Variants in RUSC2 observed in about 807,000 individuals in gnomAD.
RUSC2 encodes RUN and SH3 domain containing 2.
A neutral mutation model predicts 122.2 loss-of-function variants in RUSC2; 34 were observed. The observed-to-expected ratio is 0.28, with a 90% CI of 0.21 to 0.37. The LOEUF (loss-of-function observed/expected upper bound fraction) is 0.37. RUSC2 is among the 10% of genes least tolerant of loss of function. The probability of loss-of-function intolerance (pLI) is 1.00; values close to 1 mark genes in which losing one functional copy is unlikely to be tolerated. For synonymous variants in RUSC2, 784 were observed against 790.0 expected, an observed-to-expected ratio of 0.99 and a Z score of 0.13; for missense variants, 1,747 against 1,952.4, an observed-to-expected ratio of 0.89 and a Z score of 1.98.
intron 1 of RUSC2, among the ~76,000 whole-genome samples, chr9:35,519,935 T>A (rs753946281): frequency 1.3e-5 from 2 of 152,062 alleles, no homozygotes; most frequent in Non-Finnish European, 2.9e-5. Context: ...GACCCAGACT[T>A]GTCTTAACAC....
intron 1 of RUSC2, among the ~76,000 whole-genome samples, chr9:35,494,984 T>C (rs1044521507): frequency 9.2e-6 from 1 of 108,488 alleles, no homozygotes; most frequent in Non-Finnish European, 1.8e-5. Context: ...TATTATATAA[T>C]ATATATTTTA....
In RUSC2 at chr9:35,547,976, A is replaced by AC. The variant is rs747854264; in HGVS notation, c.1461dup (p.Asn488GlnfsTer13). On this transcript the variant is annotated frameshift_variant, in exon 2 of 12. Transcript: ENST00000361226. LOFTEE classifies it high-confidence loss of function. The surrounding 1 kb of genome is among the most constrained non-coding windows in gnomAD (Gnocchi z 4.6). ...AGGGACAAGTATACACGAATACTTC[A>AC]CCCCCCAACCTCAGCACTGGACGTC... The AC allele has an allele frequency of 6.2e-7, 1 of 1,613,824 alleles. No individual in the cohort carries two copies.
Position 35,558,121 on chromosome 9 carries a change from A to G in RUSC2, c.3061-76A>G. The G allele has an allele frequency of 6.3e-7, 1 of 1,591,102 alleles. No individual in the cohort carries two copies. The highest frequency in any genetic ancestry group is 8.6e-7 in the Non-Finnish European group (1 of 1,165,034). ...TTAGGAATGGGGACGGCAAGAGGGG[A>G]ACCATGAGGGCCTGCTACGAGAGGA... On this transcript the variant is annotated intron_variant, in intron 6 of 11. Transcript: ENST00000361226. This position sits in a 1 kb window ranked among gnomAD's most constrained non-coding sequence, Gnocchi z 4.3.
chr9:35,561,357 C>T lies in RUSC2; in HGVS notation c.4526C>T (p.Pro1509Leu). The T allele has an allele frequency of 6.2e-7, 1 of 1,613,432 alleles. No homozygotes were observed. The highest frequency in any genetic ancestry group is 8.5e-7 in the Non-Finnish European group (1 of 1,179,648). The part of the protein sequence containing the change: ...AYVTLTPTPS[P>L]TPGSSQN ...GTGACATTGACCCCAACTCCAAGTC[C>T]AACCCCTGGAAGCAGCCAAAACTGA... is the stretch of plus-strand genomic sequence containing the variant. Residue 1509 changes from proline (P) to leucine (L), a missense_variant, in exon 12 of 12, where the codon CCA (proline) becomes CTA (leucine). By Grantham distance (98) the Pro-to-Leu change is moderately conservative. Transcript: ENST00000361226.
In RUSC2 at chr9:35,547,078, G is replaced by A. The variant is rs771116366; in HGVS notation, c.557G>A (p.Gly186Asp). 3.7e-6 allele frequency: 6 copies of A among 1,613,590 alleles called. No homozygotes were observed. The Admixed American group carries it at 1.0e-4, about 27-fold the overall frequency. ...PVMTLDTQQCGTSHCCRPELE... is the reference protein window; with the variant it reads ...PVMTLDTQQCDTSHCCRPELE... ...ATGACCTTGGATACTCAGCAGTGCG[G>A]CACCAGCCACTGCTGCCGGCCAGAG... The change falls in exon 2 of 12, where the codon GGC becomes GAC. Residue 186 changes from glycine (G) to aspartate (D), a missense_variant. Coordinates refer to ENST00000361226, the MANE Select transcript of RUSC2 (RefSeq NM_014806.5). This position sits in a 1 kb window ranked among gnomAD's most constrained non-coding sequence, Gnocchi z 4.6.
intron 1 of RUSC2, among the ~76,000 whole-genome samples, chr9:35,523,296 TAA>T (rs1220402321): frequency 2.0e-5 from 3 of 152,240 alleles, no homozygotes; most frequent in Non-Finnish European, 4.4e-5. Flanking sequence ...CACATTCAAA[TAA>T]AGTCTGCCAG....
intron 1 of RUSC2, among the ~76,000 whole-genome samples, chr9:35,493,949 T>A (rs1310793777): frequency 6.6e-6 from 1 of 152,218 alleles, no homozygotes; most frequent in East Asian, 1.9e-4. Context: ...TGTACAGATA[T>A]GTTTGAGTCC....
At chr9:35,554,242 C>T (rs1489213638) in intron 2 of RUSC2, among the ~76,000 whole-genome samples, 1 of 152,170 alleles carries the variant, frequency 6.6e-6, no homozygotes, top group Non-Finnish European at 1.5e-5. Flanking sequence ...CTGAGCACCA[C>T]GTTTTGAAGG....
chr9:35,499,886 G>A (rs979332439), intron 1 of RUSC2, among the ~76,000 whole-genome samples: 1 of 152,048 alleles, frequency 6.6e-6, no homozygotes, highest in Non-Finnish European at 1.5e-5. Context: ...GAGAAAGTTG[G>A]GAACCTACTA....
intron 1 of RUSC2, among the ~76,000 whole-genome samples, chr9:35,510,031 T>A (rs1820985279): frequency 6.6e-6 from 1 of 152,158 alleles, no homozygotes; most frequent in Non-Finnish European, 1.5e-5. Context: ...CAAATCAGGG[T>A]TCTATTTCTC....
intron 1 of RUSC2, among the ~76,000 whole-genome samples, chr9:35,491,251 G>A (rs1056719946): frequency 6.6e-6 from 1 of 152,170 alleles, no homozygotes; most frequent in Non-Finnish European, 1.5e-5. Context: ...AACAATGGCT[G>A]GAAAGCTGTA....
chr9:35,552,029 TCCCA>T (rs1821910920), intron 2 of RUSC2, among the ~76,000 whole-genome samples: 1 of 150,456 alleles, frequency 6.6e-6, no homozygotes, highest in Non-Finnish European at 1.5e-5. Flanking sequence ...CACCACTGCA[TCCCA>T]GCCTGGGCAA....
chr9:35,503,775 AT>A (rs148884407), intron 1 of RUSC2, among the ~76,000 whole-genome samples: 7,526 of 149,080 alleles, frequency 0.05, 662 homozygotes, highest in African/African-American at 0.18. Context: ...ATCTATTATT[AT>A]TTTTTTTTTC....
chr9:35,501,226 C>T (rs1820812338), intron 1 of RUSC2, among the ~76,000 whole-genome samples: 1 of 152,218 alleles, frequency 6.6e-6, no homozygotes, highest in African/African-American at 2.4e-5. Flanking sequence ...TCATCTACAT[C>T]CCCTTCACTT....
rs760652329 is a variant in RUSC2, at chr9:35,556,039, A to C, written c.2744A>C (p.Asp915Ala). 1 of 1,614,200 alleles carries C rather than the reference A, an allele frequency of 6.2e-7. No homozygotes were observed. The highest frequency in any genetic ancestry group is 1.1e-5 in the South Asian group (1 of 91,088). Residue 915 changes from aspartate (D) to alanine (A), a missense_variant, in exon 4 of 12, where the codon GAC (aspartate) becomes GCC (alanine). Transcript: ENST00000361226. ...CCACCTGGTTTGTCAGGGAGCCTAG[A>C]CCGAAGATCACAAGAAGCTCGGCTG... The part of the protein sequence containing the change: ...LGPPGLSGSL[D>A]RRSQEARLAR...
chr9:35,531,007 C>G (rs1425592141), intron 1 of RUSC2, among the ~76,000 whole-genome samples: 1 of 152,026 alleles, frequency 6.6e-6, no homozygotes, highest in African/African-American at 2.4e-5. Flanking sequence ...TGCCTGTAAT[C>G]CCAGCACTTT....
At chr9:35,554,403 C>G (rs1468297793) in intron 2 of RUSC2, among the ~76,000 whole-genome samples, 1 of 152,136 alleles carries the variant, frequency 6.6e-6, no homozygotes, top group African/African-American at 2.4e-5. Context: ...AACAGGTAGG[C>G]TGCAAGTAAA....
chr9:35,494,161 T>G (rs1348911720), intron 1 of RUSC2, among the ~76,000 whole-genome samples: 2 of 152,062 alleles, frequency 1.3e-5, no homozygotes, highest in Non-Finnish European at 2.9e-5. Context: ...TTCTTTTTTT[T>G]TTTTTAAATA....
chr9:35,519,438 C>T (rs1185880706), intron 1 of RUSC2, among the ~76,000 whole-genome samples: 1 of 152,192 alleles, frequency 6.6e-6, no homozygotes, highest in Non-Finnish European at 1.5e-5. Flanking sequence ...GGAGAAGCAC[C>T]ATCAGTCTAG....
Sources: gnomAD v4.1 joint callset for allele counts (sites outside exome capture counted in the v4.1 genomes callset) on GRCh38, gnomAD v4.1.1 for gene constraint, Gnocchi (gnomAD v3.1) non-coding constraint, MANE v1.5 for transcripts, NCBI Gene and HGNC (gene_info 2026-07-23, HGNC 2026-07-21) for gene names.